DTNBP1: variants seen among roughly 807,000 people sequenced by gnomAD.
DTNBP1 encodes dystrobrevin binding protein 1.
In DTNBP1, 35 loss-of-function variants were observed where a neutral mutation model predicts 42.8. That is an observed-to-expected ratio of 0.82 (90% confidence interval 0.63 to 1.09). The LOEUF is 1.09. Among genes scored for constraint, DTNBP1 ranks in the 50% least tolerant of loss-of-function variants. The pLI, the probability that DTNBP1 is intolerant of heterozygous loss-of-function variation, is 0.00. For synonymous variants in DTNBP1, 171 were observed against 162.2 expected (o/e 1.05, Z -0.41); for missense variants, 457 against 424.2 (o/e 1.08, Z -0.68).
chr6:15,632,350 C>CA (rs1759741801), intron 4 of DTNBP1, among the ~76,000 whole-genome samples: 1 of 152,090 alleles, frequency 6.6e-6, no homozygotes, highest in Non-Finnish European at 1.5e-5. Context: ...TACCATTTTC[C>CA]AAAAAATGTA....
chr6:15,607,538 A>T (rs905686184), intron 6 of DTNBP1, among the ~76,000 whole-genome samples: 12 of 151,998 alleles, frequency 7.9e-5, no homozygotes, highest in African/African-American at 2.9e-4. Context: ...CTGACCTCAC[A>T]TGATCTGCCC....
chr6:15,651,265 A>G (rs1377850554), intron 3 of DTNBP1, 48 bp downstream of exon 3: 3 of 1,549,710 alleles, frequency 1.9e-6, no homozygotes, highest in South Asian at 1.1e-5. Flanking sequence ...ATTTTTGGTC[A>G]GTAAAAAAGT....
chr6:15,523,287 A>G, intron 9 of DTNBP1, 68 bp from the exon 10 acceptor site: 1 of 1,597,624 alleles, frequency 6.3e-7, no homozygotes, highest in South Asian at 1.1e-5. Context: ...TGCCGCCAAC[A>G]GCTGTGGAAT....
chr6:15,655,513 A>G (rs1372016488), intron 1 of DTNBP1, among the ~76,000 whole-genome samples: 1 of 152,246 alleles, frequency 6.6e-6, no homozygotes, highest in Non-Finnish European at 1.5e-5. Flanking sequence ...ATGTGCCAAA[A>G]TGCAGAAAAG....
At chr6:15,590,443 C>G (rs1360782776) in intron 7 of DTNBP1, among the ~76,000 whole-genome samples, 2 of 152,158 alleles carry the variant, frequency 1.3e-5, no homozygotes, top group East Asian at 3.9e-4. Flanking sequence ...CTTCCTGTTT[C>G]TCTGACCACT....
chr6:15,610,033 C>A (rs1354247938), intron 6 of DTNBP1, among the ~76,000 whole-genome samples: 1 of 152,216 alleles, frequency 6.6e-6, no homozygotes, highest in African/African-American at 2.4e-5. Flanking sequence ...ACTACGTAGG[C>A]TTTCACTTAG....
At chr6:15,610,647 C>A (rs568041267) in intron 6 of DTNBP1, among the ~76,000 whole-genome samples, 2 of 152,282 alleles carry the variant, frequency 1.3e-5, no homozygotes, top group East Asian at 3.9e-4. Flanking sequence ...AATGCTACTC[C>A]AATGAACACA....
At chr6:15,600,096 C>G (rs80190104) in intron 6 of DTNBP1, among the ~76,000 whole-genome samples, 4 of 152,034 alleles carry the variant, frequency 2.6e-5, no homozygotes, top group African/African-American at 9.7e-5. Flanking sequence ...CCTGATCAAG[C>G]GGCACCAGGC....
Position 15,581,722 on chromosome 6 carries a change from C to CT in DTNBP1, c.511+11336_511+11337insA, listed in dbSNP as rs1464579794. 1.3e-5 allele frequency among the ~76,000 whole-genome samples: 2 copies of CT among 151,956 alleles called. 1 individual carries two copies. ...TGAACTCCTGACCTCAGGTGATCCA[C>CT]CTGCCTTGGCCCCCCAAAAGTGTTG... On this transcript the variant is annotated intron_variant, in intron 7 of 9. Transcript: ENST00000344537.
rs908741670 is a variant in DTNBP1, at chr6:15,652,218, G to C, written c.57-78C>G. The C allele has an allele frequency of 5.7e-6, 7 of 1,232,662 alleles. No individual in the cohort carries two copies. The African/African-American group carries it at 7.6e-5, about 13-fold the overall frequency. The allele number at this position is 1,232,662 out of a possible 1,614,324, so 76.4% of individuals were successfully genotyped here. A position where few individuals can be genotyped will look rare whatever the true frequency, so the allele number is the denominator to read the frequency against. On this transcript the variant is annotated intron_variant, in intron 1 of 9. Transcript: ENST00000344537. ...TTTTTTTGAGACAGGGTCTCACTCT[G>C]TCGTCCAGGCTGGAGTGCAGTGACA...
intron 7 of DTNBP1, among the ~76,000 whole-genome samples, chr6:15,550,118 T>C (rs1252680288): frequency 6.6e-6 from 1 of 152,210 alleles, no homozygotes; most frequent in Non-Finnish European, 1.5e-5. Flanking sequence ...AGTGTAATGA[T>C]TATCAACATT....
chr6:15,560,083 G>A (rs562842491), intron 7 of DTNBP1, among the ~76,000 whole-genome samples: 113 of 152,234 alleles, frequency 7.4e-4, no homozygotes, highest in African/African-American at 2.3e-3. Flanking sequence ...TGAGGCAGGC[G>A]GATCACATGG....
intron 5 of DTNBP1, among the ~76,000 whole-genome samples, chr6:15,626,280 T>C (rs1759340807): frequency 1.3e-5 from 2 of 152,222 alleles, no homozygotes; most frequent in Admixed American, 6.5e-5. Flanking sequence ...ATAGTATCTG[T>C]AAATCATCTA....
At chr6:15,570,798 T>C (rs1775307010) in intron 7 of DTNBP1, among the ~76,000 whole-genome samples, 1 of 152,292 alleles carries the variant, frequency 6.6e-6, no homozygotes, top group Admixed American at 6.5e-5. Flanking sequence ...AAAAATAATA[T>C]TTGAATAATA....
chr6:15,575,437 G>C (rs1238763499), intron 7 of DTNBP1, among the ~76,000 whole-genome samples: 1 of 152,296 alleles, frequency 6.6e-6, no homozygotes, highest in South Asian at 2.1e-4. Context: ...AGAGACCACA[G>C]AACAACTTCT....
At chr6:15,608,512 C>T (rs1054816605) in intron 6 of DTNBP1, among the ~76,000 whole-genome samples, 4 of 152,184 alleles carry the variant, frequency 2.6e-5, no homozygotes, top group African/African-American at 9.7e-5. Context: ...TGAAGCTTCT[C>T]ACCACCTCCC....
intron 7 of DTNBP1, among the ~76,000 whole-genome samples, chr6:15,591,774 T>G (rs542313015): frequency 1.2e-4 from 19 of 152,348 alleles, no homozygotes; most frequent in African/African-American, 4.3e-4. Flanking sequence ...CCCTGTCTTT[T>G]AATATTAACT....
intron 8 of DTNBP1, among the ~76,000 whole-genome samples, chr6:15,531,044 A>C (rs984570981): frequency 6.6e-6 from 1 of 152,094 alleles, no homozygotes; most frequent in Non-Finnish European, 1.5e-5. Context: ...GATTAGCCCT[A>C]ATACCAAGAG....
chr6:15,529,219 A>G (rs1387413204), intron 8 of DTNBP1, among the ~76,000 whole-genome samples: 1 of 152,210 alleles, frequency 6.6e-6, no homozygotes, highest in East Asian at 1.9e-4. Context: ...CAGGAGTTCC[A>G]GACTGCAATG....
Sources: allele counts gnomAD v4.1 joint callset (sites outside exome capture counted in the v4.1 genomes callset), GRCh38; gene constraint gnomAD v4.1.1; transcripts MANE v1.5; gene names NCBI Gene and HGNC (gene_info 2026-07-23, HGNC 2026-07-21).